Variants in GSPT1 observed in about 807,000 individuals in gnomAD.
The protein encoded by GSPT1 is G1 to S phase transition 1, also known as eukaryotic peptide chain release factor GTP-binding subunit ERF3A.
A neutral mutation model predicts 72.5 loss-of-function variants in GSPT1; 20 were observed. That is an observed-to-expected ratio of 0.28 (90% CI 0.19 to 0.40). GSPT1 has a LOEUF of 0.40. GSPT1 is among the 10% of genes least tolerant of loss of function. The probability of loss-of-function intolerance (pLI) is 1.00; values close to 1 mark genes in which losing one functional copy is unlikely to be tolerated. For synonymous variants in GSPT1, 334 were observed against 293.5 expected (o/e 1.14, Z -1.41); for missense variants, 580 against 811.9 (o/e 0.71, Z 3.47).
chr16:11,892,506 C>CAAAAAAAAAAAAAAAAAAAAA (rs777010436), intron 5 of GSPT1, among the ~76,000 whole-genome samples: 28 of 59,996 alleles, frequency 4.7e-4, no homozygotes, highest in East Asian at 1.1e-3. Flanking sequence ...GACCCTTTCT[C>CAAAAAAAAAAAAAAAAAAAAA]AAAAAAACAA....
intron 1 of GSPT1, among the ~76,000 whole-genome samples, chr16:11,904,898 A>G (rs183261851): frequency 3.1e-4 from 47 of 152,302 alleles, no homozygotes; most frequent in Admixed American, 2.4e-3. Context: ...CAGCCTGGGA[A>G]ACACAAGGAG....
At chr16:11,914,332 A>G (rs2054598314) in intron 1 of GSPT1, among the ~76,000 whole-genome samples, 1 of 152,206 alleles carries the variant, frequency 6.6e-6, no homozygotes, top group South Asian at 2.1e-4. Flanking sequence ...GAGAATACAT[A>G]AGTTCACTCA....
chr16:11,899,826 C>G (rs1470103323), intron 1 of GSPT1, among the ~76,000 whole-genome samples: 2 of 152,068 alleles, frequency 1.3e-5, no homozygotes, highest in East Asian at 1.9e-4. Context: ...GAGCTGACTC[C>G]TAGGTTTAAC....
At chr16:11,909,118 A>G (rs2054526089) in intron 1 of GSPT1, among the ~76,000 whole-genome samples, 1 of 152,044 alleles carries the variant, frequency 6.6e-6, no homozygotes, top group Non-Finnish European at 1.5e-5. Flanking sequence ...GAAGCGACAT[A>G]CAATTACCTA....
At chr16:11,873,252 A>T (rs1233776842) in intron 14 of GSPT1, 81 bp from the exon 15 acceptor site, 1 of 689,500 alleles carries the variant, frequency 1.5e-6, no homozygotes, top group African/African-American at 1.8e-5. Flanking sequence ...ATTTTAAATC[A>T]CAAAAATATT....
chr16:11,896,554 T>A lies in GSPT1; in HGVS notation c.664+4A>T. The A allele has an allele frequency of 1.3e-6, 2 of 1,531,894 alleles. No individual in the cohort carries two copies. Among genetic ancestry groups the A allele is most frequent in the Non-Finnish European group, 1.8e-6 (2 of 1,115,794 alleles). 94.9% of individuals were successfully genotyped at this position (1,531,894 alleles called of 1,614,324 possible). A position where few individuals can be genotyped will look rare whatever the true frequency, so the allele number is the denominator to read the frequency against. On this transcript the variant is annotated splice_donor_region_variant and intron_variant, in intron 4 of 14. Transcript: ENST00000434724. The stretch of plus-strand genomic sequence containing the variant: ...TAACTTTAATTGCTATGAGAGCAGC[T>A]TACCTACGTGCCCAATGAATACTAC...
intron 4 of GSPT1, among the ~76,000 whole-genome samples, chr16:11,895,816 G>A (rs1022280899): frequency 1.1e-4 from 17 of 152,112 alleles, no homozygotes; most frequent in African/African-American, 3.4e-4. Flanking sequence ...TAGTAGAGAC[G>A]GGGTTTCACC....
chr16:11,875,624 A>C, intron 14 of GSPT1, 137 bp downstream of exon 14: 1 of 598,416 alleles, frequency 1.7e-6, no homozygotes, highest in Non-Finnish European at 2.8e-6. Flanking sequence ...TTCAACTCAT[A>C]AAACACTCAT....
Position 11,914,965 on chromosome 16 carries a change from C to T in GSPT1, c.352+404G>A, listed in dbSNP as rs747915353. 31 of 1,260,954 alleles carry T rather than the reference C, an allele frequency of 2.5e-5. No individual in the cohort carries two copies. In the South Asian group the frequency reaches 3.4e-4, roughly 14 times the overall value. The allele number at this position is 1,260,954 out of a possible 1,614,324, so 78.1% of individuals were successfully genotyped here. A position where few individuals can be genotyped will look rare whatever the true frequency, so the allele number is the denominator to read the frequency against. ...AAACTCGGCCATTCGTCCTCCCCAA[C>T]TCCTGGGATCTCTAAACGCCCACCC... On this transcript the variant is annotated intron_variant, in intron 1 of 14. Coordinates refer to ENST00000434724, the MANE Select transcript of GSPT1 (RefSeq NM_002094.4).
intron 6 of GSPT1, among the ~76,000 whole-genome samples, chr16:11,889,988 T>A (rs979955276): frequency 6.7e-6 from 1 of 148,330 alleles, no homozygotes; most frequent in Admixed American, 6.8e-5. Flanking sequence ...TGACATGGTG[T>A]CTCACTCTGT....
chr16:11,896,490 A>T, intron 4 of GSPT1, 68 bp downstream of exon 4: 1 of 837,464 alleles, frequency 1.2e-6, no homozygotes. Context: ...AAACATCTCC[A>T]GGTAGCTAAA....
At position 11,873,182 on chromosome 16, in the gene GSPT1, A is replaced by T; in HGVS notation, c.1862-11T>A. The T allele has an allele frequency of 6.7e-7, 1 of 1,488,414 alleles. No homozygotes were observed. The highest frequency in any genetic ancestry group is 1.7e-4 in the Middle Eastern group (1 of 5,816). The allele number at this position is 1,488,414 out of a possible 1,614,324, so 92.2% of individuals were successfully genotyped here. The stretch of plus-strand genomic sequence containing the variant: ...TTGCAATGGTCTTACCTAGAAATGA[A>T]ATTTTAAAAAAATCTTTCAGTAGTT... On this transcript the variant is annotated splice_polypyrimidine_tract_variant and intron_variant, in intron 14 of 14. Transcript: ENST00000434724.
rs1567440527 is a variant in GSPT1, at chr16:11,887,759, A to AT, written c.777-10dup. The AT allele has an allele frequency of 1.3e-6, 2 of 1,575,856 alleles. No homozygotes were observed. Among genetic ancestry groups the AT allele is most frequent in the East Asian group, 2.2e-5 (1 of 44,620 alleles). ...AGGCCCAAGACAAGTACCTGAAATA[A>AT]TTTTTAAAAAAAGAACAATATTCCT... On this transcript the variant is annotated splice_polypyrimidine_tract_variant and intron_variant, in intron 6 of 14. Transcript: ENST00000434724.
Position 11,915,648 on chromosome 16 carries a change from C to CGCT in GSPT1, c.70_72dup (p.Ser24dup), listed in dbSNP as rs1243988404. 5.9e-5 allele frequency: 88 copies of CGCT among 1,483,254 alleles called. No individual in the cohort carries two copies. Among genetic ancestry groups the CGCT allele is most frequent in the East Asian group, 1.7e-4 (6 of 35,874 alleles). The allele number at this position is 1,483,254 out of a possible 1,614,324, so 91.9% of individuals were successfully genotyped here. A position where few individuals can be genotyped will look rare whatever the true frequency, so the allele number is the denominator to read the frequency against. ...TGGTCCCAGCAGTCAGGCGCCGAGTCGCTGCTGCTGCTGCCGCTGCTGCTC... is the reference window on the plus strand; with the variant it reads ...TGGTCCCAGCAGTCAGGCGCCGAGTCGCTGCTGCTGCTGCTGCCGCTGCTGCTC... On this transcript the variant is annotated inframe_insertion, in exon 1 of 15. Coordinates refer to ENST00000434724, the MANE Select transcript of GSPT1 (RefSeq NM_002094.4).
chr16:11,877,465 C>A lies in GSPT1; in HGVS notation c.1544G>T (p.Gly515Val). Residue 515 changes from glycine (G) to valine (V), a missense_variant, in exon 12 of 15, where the codon GGG (glycine) becomes GTG (valine). Physicochemically the swap from Gly to Val is moderately radical, Grantham distance 109. Transcript: ENST00000434724. This position sits in a 1 kb window ranked among gnomAD's most constrained non-coding sequence, Gnocchi z 4.0. ...ATTATTAGGATCACAAAGTATAAAC[C>A]CTGGAAGAATCTCCTCTTCTTCAAT... The part of the protein sequence containing the change: ...KGIEEEEILP[G>V]FILCDPNNLC... 2 of 1,611,242 alleles carry A rather than the reference C, an allele frequency of 1.2e-6. No homozygotes were observed. Among genetic ancestry groups the A allele is most frequent in the South Asian group, 1.1e-5 (1 of 90,736 alleles).
intron 11 of GSPT1, among the ~76,000 whole-genome samples, chr16:11,878,920 A>C (rs1323330799): frequency 6.6e-6 from 1 of 151,420 alleles, no homozygotes; most frequent in African/African-American, 2.4e-5. Flanking sequence ...CAAAAGAAAA[A>C]AAACAATTAG....
intron 14 of GSPT1, among the ~76,000 whole-genome samples, chr16:11,875,230 G>A (rs899174269): frequency 1.3e-5 from 2 of 151,768 alleles, no homozygotes; most frequent in African/African-American, 4.8e-5. Flanking sequence ...GAAAGGGAAA[G>A]GGAAAGGAAA....
chr16:11,905,843 A>ATAAG (rs1206880622), intron 1 of GSPT1, among the ~76,000 whole-genome samples: 1 of 152,064 alleles, frequency 6.6e-6, no homozygotes, highest in Non-Finnish European at 1.5e-5. Context: ...TGTCTCAAAA[A>ATAAG]TAAGTAAGTA....
intron 1 of GSPT1, among the ~76,000 whole-genome samples, chr16:11,904,327 C>T (rs571522955): frequency 5.3e-5 from 8 of 152,082 alleles, no homozygotes; most frequent in Non-Finnish European, 1.0e-4. Context: ...CTCAGCCTCC[C>T]GAGTAGCTGG....
Sources: gnomAD v4.1 joint callset for allele counts (sites outside exome capture counted in the v4.1 genomes callset) on GRCh38, gnomAD v4.1.1 for gene constraint, Gnocchi (gnomAD v3.1) non-coding constraint, MANE v1.5 for transcripts, NCBI Gene and HGNC (gene_info 2026-07-23, HGNC 2026-07-21) for gene names.